FGF13: variants seen among roughly 807,000 people sequenced by gnomAD.
FGF13 encodes fibroblast growth factor homologous factor 2.
FGF13 carries 2 observed loss-of-function variants against 19.5 expected under a neutral mutation model. The ratio of observed to expected loss-of-function variants is 0.10; its 90% CI spans 0.04 to 0.32. The LOEUF (loss-of-function observed/expected upper bound fraction) is 0.32, where lower values mean the gene tolerates loss of function less well. Ranked by LOEUF, FGF13 falls within the 10% of genes least tolerant of loss-of-function variation. FGF13 has a pLI of 1.00. For synonymous variants in FGF13, 72 were observed against 76.9 expected, an observed-to-expected ratio of 0.94 and a Z score of 0.33; for missense variants, 113 against 192.7, an observed-to-expected ratio of 0.59 and a Z score of 2.45.
intron 1 of FGF13, among the ~76,000 whole-genome samples, chrX:139,186,035 T>C (rs112629973): frequency 5.5e-4 from 61 of 111,877 alleles, no homozygotes; most frequent in African/African-American, 1.9e-3. Flanking sequence ...TAGGCTAATC[T>C]GCACCTAACC....
intron 1 of FGF13, among the ~76,000 whole-genome samples, chrX:139,160,807 T>C (rs890173242): frequency 6.3e-5 from 7 of 111,644 alleles, no homozygotes; most frequent in Non-Finnish European, 9.4e-5. Flanking sequence ...AAGAAGTCAA[T>C]TCCCTGAATA....
At chrX:138,850,424 G>C (rs2091213887) in intron 3 of FGF13, among the ~76,000 whole-genome samples, 2 of 111,950 alleles carry the variant, frequency 1.8e-5, no homozygotes, top group Admixed American at 9.5e-5. Context: ...GACATAAGCT[G>C]TAAGAGAAAT....
At chrX:138,938,887 A>C (rs2091744846) in intron 1 of FGF13, among the ~76,000 whole-genome samples, 1 of 111,102 alleles carries the variant, frequency 9.0e-6, no homozygotes, top group African/African-American at 3.3e-5. Flanking sequence ...TGCAGAGCAC[A>C]ATGCAGTTTT....
At chrX:138,874,582 G>A (rs1470030300) in intron 1 of FGF13, among the ~76,000 whole-genome samples, 1 of 111,701 alleles carries the variant, frequency 9.0e-6, no homozygotes, top group Non-Finnish European at 1.9e-5. Context: ...TGAAGTTATG[G>A]CAAGCTTGAA....
At chrX:139,156,879 A>T (rs1183281598) in intron 1 of FGF13, among the ~76,000 whole-genome samples, 1 of 111,960 alleles carries the variant, frequency 8.9e-6, no homozygotes, top group Non-Finnish European at 1.9e-5. Flanking sequence ...TTTATGTCAA[A>T]TTGAAATGAG....
At chrX:139,120,300 G>A (rs1237683661) in intron 1 of FGF13, among the ~76,000 whole-genome samples, 2 of 112,305 alleles carry the variant, frequency 1.8e-5, no homozygotes, top group African/African-American at 6.5e-5. Context: ...GCCAGTTTAT[G>A]AACTTAAGCA....
intron 1 of FGF13, among the ~76,000 whole-genome samples, chrX:139,200,434 C>CA (rs1389226207): frequency 8.9e-6 from 1 of 111,920 alleles, no homozygotes; most frequent in Non-Finnish European, 1.9e-5. Flanking sequence ...AGGAAGTGAA[C>CA]AAAAAACGAA....
At chrX:139,071,803 G>T (rs184664094) in intron 1 of FGF13, among the ~76,000 whole-genome samples, 1 of 109,325 alleles carries the variant, frequency 9.1e-6, no homozygotes, top group East Asian at 2.9e-4. Context: ...AGATCACAAG[G>T]TTAAGAGATC....
At chrX:138,914,337 C>G (rs748634399) in intron 1 of FGF13, among the ~76,000 whole-genome samples, 4 of 109,908 alleles carry the variant, frequency 3.6e-5, no homozygotes, top group Non-Finnish European at 3.8e-5. Context: ...TTTCATGAAT[C>G]CTTCTCCTAC....
intron 3 of FGF13, among the ~76,000 whole-genome samples, chrX:138,656,694 C>T (rs1003607172): frequency 2.7e-5 from 3 of 111,783 alleles, no homozygotes; most frequent in Admixed American, 9.5e-5. Context: ...TTCTGGCAGA[C>T]GCCAGTAGGT....
chrX:138,752,863 C>T (rs2090407361), intron 3 of FGF13, among the ~76,000 whole-genome samples: 1 of 111,980 alleles, frequency 8.9e-6, no homozygotes, highest in Admixed American at 9.5e-5. Flanking sequence ...ATCTCTGAGG[C>T]CATTCCTCAT....
chrX:138,861,725 G>T (rs112456895), intron 2 of FGF13, among the ~76,000 whole-genome samples: 1 of 112,141 alleles, frequency 8.9e-6, no homozygotes, highest in Non-Finnish European at 1.9e-5. Flanking sequence ...AGCTTTTGTC[G>T]GGTGTGGTGG....
chrX:138,808,134 A>G (rs1245321996), intron 3 of FGF13, among the ~76,000 whole-genome samples: 1 of 111,966 alleles, frequency 8.9e-6, no homozygotes, highest in Non-Finnish European at 1.9e-5. Context: ...TCAACAGAAT[A>G]TACATTCTTC....
chrX:138,872,287 T>C (rs993270977), intron 1 of FGF13, among the ~76,000 whole-genome samples: 15 of 111,928 alleles, frequency 1.3e-4, no homozygotes, highest in Admixed American at 8.5e-4. Flanking sequence ...AACTCTACTC[T>C]TTGGGCAAGG....
At chrX:139,157,100 G>C (rs2083982808) in intron 1 of FGF13, among the ~76,000 whole-genome samples, 1 of 111,495 alleles carries the variant, frequency 9.0e-6, no homozygotes, top group Non-Finnish European at 1.9e-5. Flanking sequence ...TATGCTGTAA[G>C]TCTGATTATT....
At chrX:138,835,630 A>G (rs1442374982) in intron 3 of FGF13, among the ~76,000 whole-genome samples, 1 of 111,847 alleles carries the variant, frequency 8.9e-6, no homozygotes, top group Non-Finnish European at 1.9e-5. Flanking sequence ...GTGTCTTTTA[A>G]TTGGGGCATT....
intron 3 of FGF13, among the ~76,000 whole-genome samples, chrX:138,755,973 TAAG>T (rs773897463): frequency 1.4e-3 from 160 of 111,668 alleles, no homozygotes; most frequent in African/African-American, 5.0e-3. Context: ...GGTGTCCTTA[TAAG>T]AAGAAGATAT....
intron 1 of FGF13, among the ~76,000 whole-genome samples, chrX:139,048,212 A>G (rs2124410194): frequency 9.0e-6 from 1 of 111,270 alleles, no homozygotes; most frequent in South Asian, 3.7e-4. Flanking sequence ...TTCTTCTAAC[A>G]CCATATATTG....
At chrX:138,825,178 G>A (rs776547827) in intron 3 of FGF13, among the ~76,000 whole-genome samples, 9 of 111,501 alleles carry the variant, frequency 8.1e-5, no homozygotes, top group Non-Finnish European at 9.4e-5. Flanking sequence ...TTGCTTACTG[G>A]GGAAATGTAT....
Sources: allele counts gnomAD v4.1 joint callset (sites outside exome capture counted in the v4.1 genomes callset), GRCh38; gene constraint gnomAD v4.1.1; transcripts MANE v1.5; gene names NCBI Gene and HGNC (gene_info 2026-07-23, HGNC 2026-07-21).